Variants in SOX30 observed in about 807,000 individuals in gnomAD.
SOX30 encodes the protein transcription factor SOX-30.
SOX30 carries 17 observed loss-of-function variants against 58.6 expected under a neutral mutation model. The ratio of observed to expected loss-of-function variants is 0.29; its 90% CI spans 0.20 to 0.44. The LOEUF (loss-of-function observed/expected upper bound fraction) is 0.44, where lower values mean the gene tolerates loss of function less well. Among genes scored for constraint, SOX30 ranks in the 20% least tolerant of loss-of-function variants. The pLI, the probability that SOX30 is intolerant of heterozygous loss-of-function variation, is 1.00. For missense variants in SOX30, 951 were observed against 965.8 expected (o/e 0.98, Z 0.20); for synonymous variants, 421 against 400.2 (o/e 1.05, Z -0.62).
At chr5:157,650,064 G>C (rs1463684710) in intron 1 of SOX30, among the ~76,000 whole-genome samples, 4 of 152,066 alleles carry the variant, frequency 2.6e-5, no homozygotes, top group Non-Finnish European at 5.9e-5. Context: ...GAAAGTCACA[G>C]AGCCAGTTGA....
Position 157,638,610 on chromosome 5 carries a change from T to C in SOX30, c.1500A>G (p.Pro500=). 6.2e-7 allele frequency: 1 copy of C among 1,614,104 alleles called. No individual in the cohort carries two copies. Among genetic ancestry groups the C allele is most frequent in the Non-Finnish European group, 8.5e-7 (1 of 1,180,014 alleles). The stretch of plus-strand genomic sequence containing the variant: ...GGAGTGCTGGATAGACAGGTAGACT[T>C]GGATCCTGGACAGCCACCTGAGCAG... ...SSAAQVAVQD[P]SLPVYPALPP... is the part of the protein sequence containing the mutation. The change falls in exon 4 of 5, where the codon CCA becomes CCG. Residue 500 remains proline (P), a synonymous_variant. Transcript: ENST00000265007.
In SOX30 at chr5:157,667,780, A is replaced by G. The variant is rs1444755494; in HGVS notation, c.52+18T>C. ...TACATACATACACACACACACACACACACACACACATACAAACCTTGCTGG... is the reference window on the plus strand; with the variant it reads ...TACATACATACACACACACACACACGCACACACACATACAAACCTTGCTGG... On this transcript the variant is annotated intron_variant, in intron 2 of 5. Coordinates refer to the SOX30 transcript ENST00000519442. 10 of 1,535,154 alleles carry G rather than the reference A, an allele frequency of 6.5e-6. No homozygotes were observed. In the East Asian group the frequency reaches 1.5e-4, roughly 23 times the overall value.
At chr5:157,655,745 G>A (rs1422576343), upstream of SOX30, among the ~76,000 whole-genome samples, 3 of 152,102 alleles carry the variant, frequency 2.0e-5, no homozygotes, top group Non-Finnish European at 2.9e-5. Flanking sequence ...CAATGCTGTC[G>A]TCTCTCTCTG....
chr5:157,669,354 C>T (rs762163929), intron 1 of SOX30, among the ~76,000 whole-genome samples: 54 of 152,048 alleles, frequency 3.6e-4, no homozygotes, highest in Middle Eastern at 3.4e-3. Context: ...CCACCACACT[C>T]GGCTAATTTT....
chr5:157,637,101 C>T (rs1447471670), intron 4 of SOX30, among the ~76,000 whole-genome samples: 2 of 145,598 alleles, frequency 1.4e-5, no homozygotes, highest in Non-Finnish European at 3.0e-5. Context: ...CCATTGCACT[C>T]CAGCCTGGGC....
rs536849664 is a variant in SOX30, at chr5:157,642,351, C to A, written c.1388-3629G>T. ...AAAAAGAAGAAGCTTGATTGAGAGCCAAATAATGGAGAAATATTACTAGAA... is the reference window on the plus strand; with the variant it reads ...AAAAAGAAGAAGCTTGATTGAGAGCAAAATAATGGAGAAATATTACTAGAA... On this transcript the variant is annotated intron_variant, in intron 3 of 4. Coordinates refer to ENST00000265007, the MANE Select transcript of SOX30 (RefSeq NM_178424.2). Among the ~76,000 whole-genome samples, 218 of 150,904 alleles carry A rather than the reference C, an allele frequency of 1.4e-3. 2 individuals carry two copies. The highest frequency in any genetic ancestry group is 4.0e-3 in the African/African-American group (165 of 41,102).
At chr5:157,649,923 A>C (rs796997344) in intron 1 of SOX30, among the ~76,000 whole-genome samples, 2 of 152,152 alleles carry the variant, frequency 1.3e-5, no homozygotes, top group African/African-American at 4.8e-5. Context: ...AATTTTTTTG[A>C]AAGTCAGAGA....
At chr5:157,653,804 C>A (rs932396036), upstream of SOX30, among the ~76,000 whole-genome samples, 1 of 152,132 alleles carries the variant, frequency 6.6e-6, no homozygotes, top group African/African-American at 2.4e-5. Context: ...GTTCTTATAC[C>A]TGGCAGATAG....
intron 2 of SOX30, among the ~76,000 whole-genome samples, chr5:157,665,283 T>C (rs1263017134): frequency 6.6e-6 from 1 of 152,166 alleles, no homozygotes; most frequent in African/African-American, 2.4e-5. Flanking sequence ...AAATGATGAG[T>C]TCATGTCCTT....
At chr5:157,656,349 A>T (rs1759472495), upstream of SOX30, among the ~76,000 whole-genome samples, 1 of 152,222 alleles carries the variant, frequency 6.6e-6, no homozygotes, top group Non-Finnish European at 1.5e-5. Flanking sequence ...AATATCTTAA[A>T]ATGTAAACAT....
Position 157,651,856 on chromosome 5 carries a change from G to A in SOX30, c.223C>T (p.Pro75Ser), listed in dbSNP as rs1374329927. ...PAVRRLLQVK[P>S]EQVLLLPQPQ... ...TGTGGTAGCAGCAACACCTGCTCTG[G>A]CTTCACCTGCAGCAGCCGCCGCACC... The change falls in exon 1 of 5, where the codon CCA (proline) becomes TCA (serine). Residue 75 changes from proline (P) to serine (S), a missense_variant. Transcript: ENST00000265007. The A allele has an allele frequency of 6.4e-7, 1 of 1,574,202 alleles. No homozygotes were observed. Among genetic ancestry groups the A allele is most frequent in the Admixed American group, 1.8e-5 (1 of 55,224 alleles).
Position 157,632,047 on chromosome 5 carries a change from T to TAAAAAAAAAAAAAAAAAAAAAAAA in SOX30, c.1881-5350_1881-5327dup, listed in dbSNP as rs570172679. On this transcript the variant is annotated intron_variant, in intron 4 of 4. Transcript: ENST00000265007. Reference sequence around the variant, plus strand: ...GACACAGCAAGACCCACCCCGTAACTAAAAAAAAAAAAAAAAAAAAAAAAA... The same window carrying TAAAAAAAAAAAAAAAAAAAAAAAA: ...GACACAGCAAGACCCACCCCGTAACTAAAAAAAAAAAAAAAAAAAAAAAAAAAAAAAAAAAAAAAAAAAAAAAAA... 3.7e-4 allele frequency among the ~76,000 whole-genome samples: 21 copies of TAAAAAAAAAAAAAAAAAAAAAAAA among 56,394 alleles called. 2 individuals carry two copies. Among genetic ancestry groups the TAAAAAAAAAAAAAAAAAAAAAAAA allele is most frequent in the African/African-American group, 1.6e-3 (21 of 12,764 alleles). 37.0% of individuals were successfully genotyped at this position (56,394 alleles called of 152,430 possible).
chr5:157,636,866 G>A (rs1415357590), intron 4 of SOX30, among the ~76,000 whole-genome samples: 1 of 152,108 alleles, frequency 6.6e-6, no homozygotes, highest in Non-Finnish European at 1.5e-5. Flanking sequence ...GGTGGTTCAC[G>A]CATGTAATCC....
In SOX30 at chr5:157,626,706, A is replaced by T; in HGVS notation, c.1896T>A (p.Ser632Arg). 4 of 1,608,530 alleles carry T rather than the reference A, an allele frequency of 2.5e-6. No individual in the cohort carries two copies. The highest frequency in any genetic ancestry group is 3.4e-6 in the Non-Finnish European group (4 of 1,177,768). The change falls in exon 5 of 5, where the codon AGT (serine) becomes AGA (arginine). Residue 632 changes from serine to arginine, a missense_variant. This residue lies in a region of SOX30 where 381 missense variants were observed against 390.0 expected (regional missense o/e 0.98). Coordinates refer to ENST00000265007, the MANE Select transcript of SOX30 (RefSeq NM_178424.2). ...HYFPSSTCPY[S>R]RPPFGYGNFP... is the part of the protein sequence containing the mutation. Reference sequence around the variant, plus strand: ...AATTTCCATAGCCAAAGGGAGGCCGACTGTAAGGGCATGTACTGCAGCAGA... The same window carrying T: ...AATTTCCATAGCCAAAGGGAGGCCGTCTGTAAGGGCATGTACTGCAGCAGA...
intron 1 of SOX30, among the ~76,000 whole-genome samples, chr5:157,649,868 C>T (rs1759286169): frequency 6.6e-6 from 1 of 152,034 alleles, no homozygotes; most frequent in Non-Finnish European, 1.5e-5. Flanking sequence ...CCTAGAACCT[C>T]TCTGCCAATA....
chr5:157,638,177 T>C (rs145782786), intron 4 of SOX30, 53 bp downstream of exon 4: 3 of 1,480,068 alleles, frequency 2.0e-6, no homozygotes, highest in East Asian at 4.6e-5. Context: ...TTGTCACAGG[T>C]AAAAACTCAT....
At chr5:157,636,542 T>C (rs1326372262) in intron 4 of SOX30, among the ~76,000 whole-genome samples, 1 of 152,214 alleles carries the variant, frequency 6.6e-6, no homozygotes. Flanking sequence ...AAAAAGATTC[T>C]ACATAAAACA....
In SOX30 at chr5:157,628,861, G is replaced by A. The variant is rs1266367336; in HGVS notation, c.1881-2140C>T. On this transcript the variant is annotated intron_variant, in intron 4 of 4. Transcript: ENST00000265007. ...TCACCATGTTGGCCAGTCTGGTCTC[G>A]AAATTCTGACCTCAGGTGATCCGCC... 4.6e-5 allele frequency among the ~76,000 whole-genome samples: 7 copies of A among 151,960 alleles called. No individual in the cohort carries two copies. The South Asian group carries it at 1.2e-3, about 27-fold the overall frequency.
intron 2 of SOX30, among the ~76,000 whole-genome samples, chr5:157,667,448 T>C (rs956161501): frequency 6.6e-6 from 1 of 152,124 alleles, no homozygotes; most frequent in African/African-American, 2.4e-5. Flanking sequence ...TTAAAAACCT[T>C]GAGGCTGGGT....
Sources: allele counts gnomAD v4.1 joint callset (sites outside exome capture counted in the v4.1 genomes callset), GRCh38; gene constraint gnomAD v4.1.1; regional missense constraint gnomAD v4.1.1; transcripts MANE v1.5; gene names NCBI Gene and HGNC (gene_info 2026-07-23, HGNC 2026-07-21).